The following FSIP1 variants were observed in gnomAD, a reference collection of about 807,000 sequenced individuals.
The protein encoded by FSIP1 is fibrous sheath interacting protein 1, also known as fibrous sheath-interacting protein 1.
Under a neutral mutation model 60.9 loss-of-function variants are expected in FSIP1, and 65 were observed. The ratio of observed to expected loss-of-function variants is 1.07; its 90% confidence interval spans 0.87 to 1.31. The LOEUF is 1.31. FSIP1 is among the 40% of genes most tolerant of loss of function. FSIP1 has a pLI of 0.00. For synonymous variants in FSIP1, 209 were observed against 221.2 expected (o/e 0.94, Z 0.49); for missense variants, 675 against 665.5 (o/e 1.01, Z -0.16).
At chr15:39,762,816 T>C (rs1897548513) in intron 5 of FSIP1, among the ~76,000 whole-genome samples, 1 of 152,084 alleles carries the variant, frequency 6.6e-6, no homozygotes. Flanking sequence ...ATGGACTCCA[T>C]CTCTAAATGA....
intron 5 of FSIP1, among the ~76,000 whole-genome samples, chr15:39,753,762 T>TA (rs201203287): frequency 1.2e-3 from 188 of 150,984 alleles, no homozygotes; most frequent in Non-Finnish European, 2.5e-3. Flanking sequence ...GTTCATAAAC[T>TA]AAAAAAAAGG....
At chr15:39,724,600 A>T (rs897849445) in intron 9 of FSIP1, among the ~76,000 whole-genome samples, 1 of 152,178 alleles carries the variant, frequency 6.6e-6, no homozygotes, top group East Asian at 1.9e-4. Context: ...CAAATCTCTG[A>T]ATTCTCTGTC....
chr15:39,602,265 A>C, intron 11 of FSIP1: 1 of 453,188 alleles, frequency 2.2e-6, no homozygotes, highest in Admixed American at 2.4e-5. Flanking sequence ...CAGAGACTGG[A>C]GTGACGTGGC....
intron 10 of FSIP1, among the ~76,000 whole-genome samples, chr15:39,644,812 GCCGGCTGC>G (rs1892526285): frequency 6.6e-6 from 1 of 152,084 alleles, no homozygotes; most frequent in Non-Finnish European, 1.5e-5. Context: ...AAATTCCAAG[GCCGGCTGC>G]CATCAAAGGT....
intron 9 of FSIP1, among the ~76,000 whole-genome samples, chr15:39,725,262 AT>A (rs1274912395): frequency 3.9e-5 from 6 of 152,304 alleles, no homozygotes; most frequent in African/African-American, 1.4e-4. Flanking sequence ...CCTGGGACAC[AT>A]TTGAGTGAAG....
intron 10 of FSIP1, among the ~76,000 whole-genome samples, chr15:39,682,208 T>C (rs1894193587): frequency 6.6e-6 from 1 of 152,248 alleles, no homozygotes; most frequent in African/African-American, 2.4e-5. Flanking sequence ...ACTTATGTCT[T>C]AAATATTACT....
chr15:39,615,147 A>C (rs1395565614), intron 11 of FSIP1, among the ~76,000 whole-genome samples: 8 of 152,204 alleles, frequency 5.3e-5, no homozygotes, highest in African/African-American at 1.9e-4. Context: ...CAAATATAAG[A>C]CCCAAAACTG....
At chr15:39,716,724 T>C (rs934493462) in intron 9 of FSIP1, among the ~76,000 whole-genome samples, 3 of 151,606 alleles carry the variant, frequency 2.0e-5, no homozygotes, top group African/African-American at 7.3e-5. Flanking sequence ...GAACACCAAA[T>C]GTTGGAAATG....
In FSIP1 at chr15:39,607,907, A is replaced by G. The variant is rs117706231; in HGVS notation, c.1700-6981T>C. Among the ~76,000 whole-genome samples the G allele has an allele frequency of 5.4e-3, 820 of 152,368 alleles. 4 individuals carry two copies. Among genetic ancestry groups the G allele is most frequent in the Non-Finnish European group, 9.2e-3 (627 of 68,032 alleles). On this transcript the variant is annotated intron_variant, in intron 11 of 11. Coordinates refer to ENST00000350221, the MANE Select transcript of FSIP1 (RefSeq NM_152597.5). ...TGAGAAGGAGGTAGAACAGAAATGTAACAGCCAAACACGCAGCAACTCCTC... is the reference window on the plus strand; with the variant it reads ...TGAGAAGGAGGTAGAACAGAAATGTGACAGCCAAACACGCAGCAACTCCTC...
chr15:39,763,018 C>T (rs1241474768), intron 5 of FSIP1, among the ~76,000 whole-genome samples: 1 of 152,098 alleles, frequency 6.6e-6, no homozygotes, highest in African/African-American at 2.4e-5. Context: ...TGGATATTTG[C>T]ATTAAACACA....
intron 10 of FSIP1, among the ~76,000 whole-genome samples, chr15:39,698,836 C>G (rs1177656660): frequency 6.6e-6 from 1 of 152,132 alleles, no homozygotes; most frequent in East Asian, 1.9e-4. Flanking sequence ...TATACCTGCC[C>G]AAAAGTGGCC....
rs1326137269 is a variant in FSIP1, at chr15:39,738,100, G to A, written c.882C>T (p.Ser294=). 25 of 1,605,600 alleles carry A rather than the reference G, an allele frequency of 1.6e-5. No individual in the cohort carries two copies. The highest frequency in any genetic ancestry group is 2.0e-5 in the Non-Finnish European group (24 of 1,173,636). ...KDLDEKDSGL[S]SSEGDQSGWV... ...ATCAGAGTTTACGTACCTCAGAACT[G>A]GAGAGCCCGGAATCTTTCTCATCCA... Residue 294 remains serine (S), a synonymous_variant, in exon 8 of 12, where the codon TCC becomes TCT. Transcript: ENST00000350221.
intron 11 of FSIP1, among the ~76,000 whole-genome samples, chr15:39,614,058 T>A (rs1332002917): frequency 2.0e-5 from 3 of 152,150 alleles, no homozygotes; most frequent in African/African-American, 7.2e-5. Flanking sequence ...TTTTTCAACA[T>A]AGTACTTAAT....
intron 10 of FSIP1, among the ~76,000 whole-genome samples, chr15:39,650,484 C>T (rs1051768394): frequency 3.3e-5 from 5 of 152,004 alleles, no homozygotes; most frequent in African/African-American, 9.7e-5. Flanking sequence ...AAGAGTAAAC[C>T]AAAAAATACT....
chr15:39,691,434 T>C (rs1894595627), intron 10 of FSIP1, among the ~76,000 whole-genome samples: 1 of 152,188 alleles, frequency 6.6e-6, no homozygotes, highest in African/African-American at 2.4e-5. Context: ...GCAAGCACCA[T>C]TCATCAAATG....
intron 10 of FSIP1, among the ~76,000 whole-genome samples, chr15:39,707,160 C>T (rs748866145): frequency 1.3e-5 from 2 of 152,174 alleles, no homozygotes; most frequent in Non-Finnish European, 2.9e-5. Flanking sequence ...TGCCTCAACT[C>T]ATCAACCCTC....
intron 10 of FSIP1, among the ~76,000 whole-genome samples, chr15:39,637,510 G>A (rs73393229): frequency 0.038 from 5,847 of 152,180 alleles, 389 homozygotes; most frequent in African/African-American, 0.13. Context: ...GACAGGATGC[G>A]ACTACTGGAA....
chr15:39,747,406 A>G (rs1349591024), intron 5 of FSIP1: 1 of 152,204 alleles, frequency 6.6e-6, no homozygotes, highest in Non-Finnish European at 1.5e-5. Context: ...TTGGATTTAT[A>G]AACATACATT....
chr15:39,616,918 A>C (rs1282573221), intron 11 of FSIP1, among the ~76,000 whole-genome samples: 1 of 152,184 alleles, frequency 6.6e-6, no homozygotes, highest in Non-Finnish European at 1.5e-5. Context: ...GCAGGAATAG[A>C]ACAAACAACA....
Sources: allele counts gnomAD v4.1 joint callset (sites outside exome capture counted in the v4.1 genomes callset), GRCh38; gene constraint gnomAD v4.1.1; transcripts MANE v1.5; gene names NCBI Gene and HGNC (gene_info 2026-07-23, HGNC 2026-07-21).